Variants in PHF21B observed in about 807,000 individuals in gnomAD.
PHF21B encodes the protein PHD finger protein 21B.
In PHF21B, 22 loss-of-function variants were observed where a neutral mutation model predicts 62.2. That is an observed-to-expected ratio of 0.35 (90% CI 0.25 to 0.51). PHF21B has a LOEUF of 0.51. Ranked by LOEUF, PHF21B falls within the 20% of genes least tolerant of loss-of-function variation. The probability of loss-of-function intolerance (pLI) is 0.97; values close to 1 mark genes in which losing one functional copy is unlikely to be tolerated. For synonymous variants in PHF21B, 341 were observed against 314.7 expected (o/e 1.08, Z -0.88); for missense variants, 701 against 707.9 (o/e 0.99, Z 0.11).
At position 44,916,280 on chromosome 22, in the gene PHF21B, CTTG is replaced by C. The variant is rs1222058611; in HGVS notation, c.561_563del (p.Asn187del). 3 of 1,608,598 alleles carry C rather than the reference CTTG, an allele frequency of 1.9e-6. No homozygotes were observed. Among genetic ancestry groups the C allele is most frequent in the Non-Finnish European group, 1.7e-6 (2 of 1,179,084 alleles). The stretch of plus-strand genomic sequence containing the variant: ...CCGGAGCCTGCTGGTGGGCACTCAC[CTTG>C]TTGTCAGCACTGATGAGGAGGGGCT... On this transcript the variant is annotated inframe_deletion and splice_region_variant, in exon 4 of 13. Coordinates refer to ENST00000313237, the MANE Select transcript of PHF21B (RefSeq NM_138415.5).
intron 2 of PHF21B, among the ~76,000 whole-genome samples, chr22:44,982,879 C>A (rs972861924): frequency 3.1e-5 from 4 of 129,694 alleles, no homozygotes; most frequent in Non-Finnish European, 6.5e-5. Flanking sequence ...GACGTCTGAA[C>A]TGTGACAAGT....
At chr22:44,929,965 C>G (rs1011926414) in intron 2 of PHF21B, among the ~76,000 whole-genome samples, 1 of 152,228 alleles carries the variant, frequency 6.6e-6, no homozygotes, top group Non-Finnish European at 1.5e-5. Flanking sequence ...ACCAGGCAAG[C>G]TGGGATCCAC....
In PHF21B at chr22:44,933,732, G is replaced by GAC. The variant is rs764657348; in HGVS notation, c.121-13243_121-13242insGT. 5.0e-3 allele frequency among the ~76,000 whole-genome samples: 617 copies of GAC among 122,742 alleles called. 6 individuals carry two copies. Among genetic ancestry groups the GAC allele is most frequent in the Admixed American group, 0.011 (123 of 10,950 alleles). 80.5% of individuals were successfully genotyped at this position (122,742 alleles called of 152,430 possible). On this transcript the variant is annotated intron_variant, in intron 2 of 12. Transcript: ENST00000313237. ...CGTGCAGATAAGAGAGAGAGAGAGA[G>GAC]AGAGACAGACAGACAGACAGAGAGA... is the stretch of plus-strand genomic sequence containing the variant.
At chr22:44,990,614 T>C (rs1380934232) in intron 2 of PHF21B, among the ~76,000 whole-genome samples, 4 of 152,160 alleles carry the variant, frequency 2.6e-5, no homozygotes, top group African/African-American at 9.7e-5. Flanking sequence ...AAAAAGCCAG[T>C]TGCACAAAGA....
intron 2 of PHF21B, among the ~76,000 whole-genome samples, chr22:44,962,596 T>G (rs1330971326): frequency 2.0e-5 from 3 of 152,232 alleles, no homozygotes; most frequent in Non-Finnish European, 4.4e-5. Context: ...AAAAGCGTAG[T>G]AAGTGAAACC....
At chr22:44,895,016 A>G (rs1438611494) in intron 6 of PHF21B, among the ~76,000 whole-genome samples, 4 of 152,220 alleles carry the variant, frequency 2.6e-5, no homozygotes, top group Admixed American at 1.3e-4. Flanking sequence ...GCGGGGGTTC[A>G]CTTCATTCCC....
chr22:44,974,635 C>A (rs1174568016), intron 2 of PHF21B, among the ~76,000 whole-genome samples: 1 of 152,146 alleles, frequency 6.6e-6, no homozygotes, highest in Non-Finnish European at 1.5e-5. Flanking sequence ...ACCACCTGAC[C>A]TGCTCATAGA....
chr22:44,971,954 A>T (rs1488852540), intron 2 of PHF21B, among the ~76,000 whole-genome samples: 1 of 152,212 alleles, frequency 6.6e-6, no homozygotes, highest in Non-Finnish European at 1.5e-5. Context: ...CAGGGAGGTT[A>T]AGCAACTCCT....
At chr22:45,006,524 G>T (rs180930893) in intron 2 of PHF21B, among the ~76,000 whole-genome samples, 2 of 152,216 alleles carry the variant, frequency 1.3e-5, no homozygotes, top group Admixed American at 6.5e-5. Context: ...GTTTCTTTCG[G>T]CTTATCTAAA....
intron 2 of PHF21B, among the ~76,000 whole-genome samples, chr22:44,928,588 T>G (rs183436559): frequency 1.3e-5 from 2 of 152,182 alleles, no homozygotes; most frequent in Admixed American, 1.3e-4. Context: ...TTTTATATTT[T>G]TAGTAGAGAC....
chr22:44,950,318 A>G (rs900423605), intron 2 of PHF21B, among the ~76,000 whole-genome samples: 1 of 152,252 alleles, frequency 6.6e-6, no homozygotes, highest in South Asian at 2.1e-4. Context: ...TTGTGCCTCA[A>G]TACCCTCTGT....
intron 2 of PHF21B, among the ~76,000 whole-genome samples, chr22:44,934,240 C>T (rs2071800808): frequency 6.6e-6 from 1 of 152,184 alleles, no homozygotes; most frequent in Non-Finnish European, 1.5e-5. Flanking sequence ...TCACCTGCAC[C>T]TCACCCACCT....
chr22:44,939,047 A>T (rs2071904201), intron 2 of PHF21B, among the ~76,000 whole-genome samples: 1 of 152,226 alleles, frequency 6.6e-6, no homozygotes, highest in African/African-American at 2.4e-5. Flanking sequence ...GTGAGCTCAG[A>T]GCCGGCACCG....
chr22:44,988,031 G>A (rs935024605), intron 2 of PHF21B, among the ~76,000 whole-genome samples: 3 of 152,224 alleles, frequency 2.0e-5, no homozygotes, highest in Admixed American at 1.3e-4. Context: ...ATGACTAACA[G>A]GGAATCCCTG....
At chr22:44,903,389 C>T (rs890898371) in intron 5 of PHF21B, among the ~76,000 whole-genome samples, 1 of 151,774 alleles carries the variant, frequency 6.6e-6, no homozygotes, top group Non-Finnish European at 1.5e-5. Context: ...GCTGCCCAGC[C>T]CTGACCTCTG....
In PHF21B at chr22:44,912,878, C is replaced by CAAAAA. The variant is rs3087031; in HGVS notation, c.831+939_831+943dup. The stretch of plus-strand genomic sequence containing the variant: ...TGGCTCAAAGAGTCAGACTCTATCT[C>CAAAAA]AAAAAAAAAAAAAAAAAAAGACAAA... On this transcript the variant is annotated intron_variant, in intron 5 of 12. Coordinates refer to ENST00000313237, the MANE Select transcript of PHF21B (RefSeq NM_138415.5). 8.3e-4 allele frequency among the ~76,000 whole-genome samples: 38 copies of CAAAAA among 45,582 alleles called. 1 individual carries two copies. Among genetic ancestry groups the CAAAAA allele is most frequent in the African/African-American group, 2.5e-3 (21 of 8,474 alleles). 29.9% of individuals were successfully genotyped at this position (45,582 alleles called of 152,430 possible).
At chr22:44,887,259 C>T (rs934218463) in intron 10 of PHF21B, among the ~76,000 whole-genome samples, 3 of 152,104 alleles carry the variant, frequency 2.0e-5, no homozygotes, top group South Asian at 2.1e-4. Flanking sequence ...TGCTGCCACC[C>T]GCCACCCACC....
chr22:44,914,251 T>G (rs2071397233), intron 4 of PHF21B, among the ~76,000 whole-genome samples, 163 bp from the exon 5 acceptor site: 1 of 152,060 alleles, frequency 6.6e-6, no homozygotes, highest in South Asian at 2.1e-4. Flanking sequence ...CCCCTGTCTG[T>G]CTAGCACCTG....
At chr22:44,895,885 G>T in intron 6 of PHF21B, 147 bp downstream of exon 6, 1 of 864,656 alleles carries the variant, frequency 1.2e-6, no homozygotes, top group Middle Eastern at 3.4e-4. Flanking sequence ...GGGACATCCT[G>T]AGACCCACTG....
Sources: allele counts gnomAD v4.1 joint callset (sites outside exome capture counted in the v4.1 genomes callset), GRCh38; gene constraint gnomAD v4.1.1; transcripts MANE v1.5; gene names NCBI Gene and HGNC (gene_info 2026-07-23, HGNC 2026-07-21).